Variants in TMEM74B observed in about 807,000 individuals in gnomAD.
TMEM74B encodes the protein transmembrane protein C20orf46.
In TMEM74B, 7 loss-of-function variants were observed where a neutral mutation model predicts 6.5. The ratio of observed to expected loss-of-function variants is 1.07; its 90% confidence interval spans 0.61 to 2.01. The LOEUF (loss-of-function observed/expected upper bound fraction) is 2.01. TMEM74B is among the 30% of genes most tolerant of loss of function. The pLI is 0.00. For synonymous variants in TMEM74B, 151 were observed against 151.6 expected, an observed-to-expected ratio of 1.00 and a Z score of 0.03; for missense variants, 342 against 337.0, an observed-to-expected ratio of 1.01 and a Z score of -0.12.
upstream of TMEM74B, chr20:1,186,634 C>T (rs1270961723): frequency 6.6e-6 from 1 of 152,202 alleles, no homozygotes; most frequent in Non-Finnish European, 1.5e-5. Context: ...ATGTCCTGCT[C>T]CTCGGCCACC....
chr20:1,180,866 G>A lies in TMEM74B; in HGVS notation c.753C>T (p.His251=). Residue 251 remains histidine, a synonymous_variant, in exon 3 of 3, where the codon CAC becomes CAT. Coordinates refer to ENST00000429036, the MANE Select transcript of TMEM74B (RefSeq NM_001304748.2). This position sits in a 1 kb window ranked among gnomAD's most constrained non-coding sequence, Gnocchi z 6.1. The part of the protein sequence containing the change: ...NEVVQVSETS[H]TLQRS ...CTAGTTCTTAAGACCTCTGGAGGGTGTGGCTAGTCTCTGAGACCTGGACAA... is the reference window on the plus strand; with the variant it reads ...CTAGTTCTTAAGACCTCTGGAGGGTATGGCTAGTCTCTGAGACCTGGACAA... 1 of 1,597,694 alleles carries A rather than the reference G, an allele frequency of 6.3e-7. No homozygotes were observed. Among genetic ancestry groups the A allele is most frequent in the Non-Finnish European group, 8.5e-7 (1 of 1,170,028 alleles).
rs1386795816 is a variant in TMEM74B at position 1,181,731 on chromosome 20, A to ATAAG, written c.32-148_32-145dup. ...TGCCAGACAGAGGGGAAGACAGGGAATAAGACGATGACAGAACAGTGTGAT... is the reference window on the plus strand; with the variant it reads ...TGCCAGACAGAGGGGAAGACAGGGAATAAGTAAGACGATGACAGAACAGTGTGAT... On this transcript the variant is annotated intron_variant, in intron 2 of 2. Coordinates refer to ENST00000429036, the MANE Select transcript of TMEM74B (RefSeq NM_001304748.2). The surrounding 1 kb of genome is among the most constrained non-coding windows in gnomAD (Gnocchi z 4.9). The ATAAG allele has an allele frequency of 3.2e-6, 3 of 936,088 alleles. No homozygotes were observed. Among genetic ancestry groups the ATAAG allele is most frequent in the African/African-American group, 1.7e-5 (1 of 58,480 alleles). 58.0% of individuals were successfully genotyped at this position (936,088 alleles called of 1,614,324 possible).
rs146222873 is a variant in TMEM74B at position 1,181,177 on chromosome 20, G to A, written c.442C>T (p.Arg148Ter). 2.5e-6 allele frequency: 4 copies of A among 1,614,120 alleles called. No homozygotes were observed. The highest frequency in any genetic ancestry group is 3.4e-6 in the Non-Finnish European group (4 of 1,180,030). Reference sequence around the variant, plus strand: ...GCTGTCACTGTGTCCGGATTGACTCGAGCCTCACGGGGGATGGCGTATGCT... The same window carrying A: ...GCTGTCACTGTGTCCGGATTGACTCAAGCCTCACGGGGGATGGCGTATGCT... ...VTAYAIPREA[R>*]VNPDTVTARE... Residue 148 changes from arginine to a stop codon, truncating the protein, a stop_gained, in exon 3 of 3, where the codon CGA (arginine) becomes TGA (stop). Coordinates refer to ENST00000429036, the MANE Select transcript of TMEM74B (RefSeq NM_001304748.2). LOFTEE classifies it low-confidence loss of function (END_TRUNC). This position sits in a 1 kb window ranked among gnomAD's most constrained non-coding sequence, Gnocchi z 4.9.
rs756460335 is a variant in TMEM74B at position 1,181,056 on chromosome 20, C to G, written c.563G>C (p.Gly188Ala). 1.2e-6 allele frequency: 2 copies of G among 1,613,142 alleles called. No homozygotes were observed. The highest frequency in any genetic ancestry group is 1.7e-6 in the Non-Finnish European group (2 of 1,179,712). The change falls in exon 3 of 3, where the codon GGC (glycine) becomes GCC (alanine). Residue 188 changes from glycine to alanine, a missense_variant. Physicochemically the swap from Gly to Ala is moderately conservative, Grantham distance 60 (BLOSUM62 0). Coordinates refer to ENST00000429036, the MANE Select transcript of TMEM74B (RefSeq NM_001304748.2). The surrounding 1 kb of genome is among the most constrained non-coding windows in gnomAD (Gnocchi z 4.9). ...IAGLGLLTVG[G>A]MLLSVLLMVS... ...CATGAGCAGCACCGACAAGAGCATG[C>G]CGCCCACCGTGAGCAGCCCGAGGCC... is the stretch of plus-strand genomic sequence containing the variant.
At position 1,181,057 on chromosome 20, in the gene TMEM74B, C is replaced by G. The variant is rs1261120911; in HGVS notation, c.562G>C (p.Gly188Arg). ...IAGLGLLTVG[G>R]MLLSVLLMVS... ...ATGAGCAGCACCGACAAGAGCATGCCGCCCACCGTGAGCAGCCCGAGGCCT... is the reference window on the plus strand; with the variant it reads ...ATGAGCAGCACCGACAAGAGCATGCGGCCCACCGTGAGCAGCCCGAGGCCT... The change falls in exon 3 of 3, where the codon GGC becomes CGC. Residue 188 changes from glycine to arginine, a missense_variant. Transcript: ENST00000429036. The surrounding 1 kb of genome is among the most constrained non-coding windows in gnomAD (Gnocchi z 4.9). 1 of 1,613,390 alleles carries G rather than the reference C, an allele frequency of 6.2e-7. No homozygotes were observed. The highest frequency in any genetic ancestry group is 8.5e-7 in the Non-Finnish European group (1 of 1,179,810).
upstream of TMEM74B, among the ~76,000 whole-genome samples, chr20:1,187,014 T>C (rs1279977416): frequency 6.6e-6 from 1 of 152,198 alleles, no homozygotes; most frequent in African/African-American, 2.4e-5. Context: ...AAGCACTCAC[T>C]GTTCCTTCCC....
In TMEM74B at chr20:1,181,010, C is replaced by T; in HGVS notation, c.609G>A (p.Glu203=). 3 of 1,614,016 alleles carry T rather than the reference C, an allele frequency of 1.9e-6. No homozygotes were observed. The highest frequency in any genetic ancestry group is 1.6e-4 in the Middle Eastern group (1 of 6,062). Residue 203 remains glutamate (E), a synonymous_variant, in exon 3 of 3, where the codon GAG becomes GAA. Transcript: ENST00000429036. This position sits in a 1 kb window ranked among gnomAD's most constrained non-coding sequence, Gnocchi z 4.9. The part of the protein sequence containing the change: ...VLLMVSLCKG[E]LYRRRTFVPG... ...GGACGAAGGTCCTCCGGCGGTACAGCTCGCCCTTGCACAGGGAGACCATGA... is the reference window on the plus strand; with the variant it reads ...GGACGAAGGTCCTCCGGCGGTACAGTTCGCCCTTGCACAGGGAGACCATGA...
chr20:1,183,115 G>A (rs1385551933), intron 2 of TMEM74B, among the ~76,000 whole-genome samples: 2 of 152,120 alleles, frequency 1.3e-5, no homozygotes, highest in African/African-American at 2.4e-5. Context: ...TACACTGATG[G>A]CCTGAGGGCA....
In TMEM74B at chr20:1,181,731, A is replaced by G. The variant is rs1366931042; in HGVS notation, c.32-144T>C. On this transcript the variant is annotated intron_variant, in intron 2 of 2. Coordinates refer to ENST00000429036, the MANE Select transcript of TMEM74B (RefSeq NM_001304748.2). The surrounding 1 kb of genome is among the most constrained non-coding windows in gnomAD (Gnocchi z 4.9). ...TGCCAGACAGAGGGGAAGACAGGGAATAAGACGATGACAGAACAGTGTGAT... is the reference window on the plus strand; with the variant it reads ...TGCCAGACAGAGGGGAAGACAGGGAGTAAGACGATGACAGAACAGTGTGAT... 1.1e-6 allele frequency: 1 copy of G among 936,088 alleles called. No individual in the cohort carries two copies. Among genetic ancestry groups the G allele is most frequent in the African/African-American group, 1.7e-5 (1 of 58,480 alleles). The allele number at this position is 936,088 out of a possible 1,614,324, so 58.0% of individuals were successfully genotyped here.
Position 1,180,737 on chromosome 20 carries a change from A to C in TMEM74B, c.*111T>G. 2.1e-6 allele frequency: 3 copies of C among 1,424,194 alleles called. No individual in the cohort carries two copies. The highest frequency in any genetic ancestry group is 1.4e-5 in the African/African-American group (1 of 69,876). The allele number at this position is 1,424,194 out of a possible 1,614,324, so 88.2% of individuals were successfully genotyped here. On this transcript the variant is annotated 3_prime_UTR_variant, in exon 3 of 3. Transcript: ENST00000429036. This position sits in a 1 kb window ranked among gnomAD's most constrained non-coding sequence, Gnocchi z 6.1. Reference sequence around the variant, plus strand: ...CCCAGTACTTCTTCCACAAGGCCCTATGTGAGCTCAGTTTAAAACCCCAGG... The same window carrying C: ...CCCAGTACTTCTTCCACAAGGCCCTCTGTGAGCTCAGTTTAAAACCCCAGG...
In TMEM74B at chr20:1,181,931, A is replaced by G. The variant is rs944881657; in HGVS notation, c.32-344T>C. Among the ~76,000 whole-genome samples, 2 of 152,220 alleles carry G rather than the reference A, an allele frequency of 1.3e-5. No homozygotes were observed. Among genetic ancestry groups the G allele is most frequent in the Non-Finnish European group, 2.9e-5 (2 of 68,042 alleles). ...AAGTACTCAGAACACTAAGTGCTCAAAGTTAGCGATGAGTTCCTATTATAC... is the reference window on the plus strand; with the variant it reads ...AAGTACTCAGAACACTAAGTGCTCAGAGTTAGCGATGAGTTCCTATTATAC... On this transcript the variant is annotated intron_variant, in intron 2 of 2. Transcript: ENST00000429036. The surrounding 1 kb of genome is among the most constrained non-coding windows in gnomAD (Gnocchi z 4.9).
At position 1,180,674 on chromosome 20, in the gene TMEM74B, G is replaced by T; in HGVS notation, c.*174C>A. Reference sequence around the variant, plus strand: ...ACAGATCAGTGGGCTGCTTGCCCGTGTGGGGCATGGGCTGGGCCCCGAGCT... The same window carrying T: ...ACAGATCAGTGGGCTGCTTGCCCGTTTGGGGCATGGGCTGGGCCCCGAGCT... On this transcript the variant is annotated 3_prime_UTR_variant, in exon 3 of 3. Coordinates refer to ENST00000429036, the MANE Select transcript of TMEM74B (RefSeq NM_001304748.2). This position sits in a 1 kb window ranked among gnomAD's most constrained non-coding sequence, Gnocchi z 6.1. 2 of 798,518 alleles carry T rather than the reference G, an allele frequency of 2.5e-6. No homozygotes were observed. Among genetic ancestry groups the T allele is most frequent in the Non-Finnish European group, 3.6e-6 (2 of 560,292 alleles). 49.5% of individuals were successfully genotyped at this position (798,518 alleles called of 1,614,324 possible).
upstream of TMEM74B, among the ~76,000 whole-genome samples, chr20:1,186,894 C>A (rs2087029167): frequency 6.6e-6 from 1 of 152,204 alleles, no homozygotes; most frequent in Non-Finnish European, 1.5e-5. Context: ...CAGCTCCACC[C>A]CCACAGCTGG....
Position 1,181,720 on chromosome 20 carries a change from G to A in TMEM74B, c.32-133C>T. 1 of 996,760 alleles carries A rather than the reference G, an allele frequency of 1.0e-6. No homozygotes were observed. Among genetic ancestry groups the A allele is most frequent in the Non-Finnish European group, 1.3e-6 (1 of 745,758 alleles). The allele number at this position is 996,760 out of a possible 1,614,324, so 61.7% of individuals were successfully genotyped here. Reference sequence around the variant, plus strand: ...TTGGGGGTGTCTGCCAGACAGAGGGGAAGACAGGGAATAAGACGATGACAG... The same window carrying A: ...TTGGGGGTGTCTGCCAGACAGAGGGAAAGACAGGGAATAAGACGATGACAG... On this transcript the variant is annotated intron_variant, in intron 2 of 2. Coordinates refer to ENST00000429036, the MANE Select transcript of TMEM74B (RefSeq NM_001304748.2). This position sits in a 1 kb window ranked among gnomAD's most constrained non-coding sequence, Gnocchi z 4.9.
rs1455350145 is a variant in TMEM74B at position 1,184,915 on chromosome 20, C to T, written c.-761G>A. Reference sequence around the variant, plus strand: ...CAGCACGCCGGCTGCCCACCGCGCCCGCTCCCGCCGGCCCAGTCCACACCC... The same window carrying T: ...CAGCACGCCGGCTGCCCACCGCGCCTGCTCCCGCCGGCCCAGTCCACACCC... On this transcript the variant is annotated 5_prime_UTR_variant, in exon 1 of 3. Transcript: ENST00000429036. The surrounding 1 kb of genome is among the most constrained non-coding windows in gnomAD (Gnocchi z 6.0). 2.0e-5 allele frequency among the ~76,000 whole-genome samples: 3 copies of T among 152,186 alleles called. No individual in the cohort carries two copies. The highest frequency in any genetic ancestry group is 4.4e-5 in the Non-Finnish European group (3 of 68,030).
chr20:1,183,832 C>G lies in TMEM74B; in HGVS notation c.-31G>C, dbSNP rs745964167. 4 of 1,613,616 alleles carry G rather than the reference C, an allele frequency of 2.5e-6. No homozygotes were observed. The highest frequency in any genetic ancestry group is 3.4e-6 in the Non-Finnish European group (4 of 1,179,852). On this transcript the variant is annotated 5_prime_UTR_variant, in exon 2 of 3. Transcript: ENST00000429036. ...CACCAGCCTTCCCTGGCTCTGCATC[C>G]CTCACTCATAGACTCTTCATTTTAT...
upstream of TMEM74B, chr20:1,185,394 C>T (rs1328835837): frequency 1.3e-5 from 2 of 151,612 alleles, no homozygotes; most frequent in East Asian, 2.0e-4. Flanking sequence ...CACGTACCTA[C>T]TCGCGCCGCG....
At chr20:1,185,696 G>A (rs2087006548), upstream of TMEM74B, among the ~76,000 whole-genome samples, 1 of 151,910 alleles carries the variant, frequency 6.6e-6, no homozygotes. Flanking sequence ...GCGGTCCACG[G>A]GCGCAGGGGC....
In TMEM74B at chr20:1,181,404, T is replaced by C; in HGVS notation, c.215A>G (p.His72Arg). ...TCTCGTGTTCCCAGGGTTCTGGAAA[T>C]GGGTCTCATGCTCCTCTGAGGAGAA... Reference protein sequence around the residue: ...ACFSSEEHETHFQNPGNTRLG... With the variant: ...ACFSSEEHETRFQNPGNTRLG... The change falls in exon 3 of 3, where the codon CAT (histidine) becomes CGT (arginine). Residue 72 changes from histidine to arginine, a missense_variant. His to Arg is a conservative substitution (Grantham distance 29). Coordinates refer to ENST00000429036, the MANE Select transcript of TMEM74B (RefSeq NM_001304748.2). This position sits in a 1 kb window ranked among gnomAD's most constrained non-coding sequence, Gnocchi z 4.9. 6.5e-7 allele frequency: 1 copy of C among 1,529,000 alleles called. No homozygotes were observed. The highest frequency in any genetic ancestry group is 8.8e-7 in the Non-Finnish European group (1 of 1,137,748). The allele number at this position is 1,529,000 out of a possible 1,614,324, so 94.7% of individuals were successfully genotyped here.
Sources: allele counts gnomAD v4.1 joint callset (sites outside exome capture counted in the v4.1 genomes callset), GRCh38; gene constraint gnomAD v4.1.1; non-coding constraint Gnocchi (gnomAD v3.1); transcripts MANE v1.5; gene names NCBI Gene and HGNC (gene_info 2026-07-23, HGNC 2026-07-21).